The following P2RX1 variants were observed in gnomAD, a reference collection of about 807,000 sequenced individuals.
P2RX1 encodes P2X purinoceptor 1.
P2RX1 carries 42 observed loss-of-function variants against 50.3 expected under a neutral mutation model. The observed-to-expected ratio is 0.83, with a 90% confidence interval of 0.65 to 1.08. The LOEUF (loss-of-function observed/expected upper bound fraction) is 1.08, where lower values mean the gene tolerates loss of function less well. Ranked by LOEUF, P2RX1 falls within the 50% of genes least tolerant of loss-of-function variation. P2RX1 has a pLI of 0.00. For missense variants in P2RX1, 449 were observed against 529.0 expected, an observed-to-expected ratio of 0.85 and a Z score of 1.48; for synonymous variants, 199 against 202.6, an observed-to-expected ratio of 0.98 and a Z score of 0.15.
intron 1 of P2RX1, among the ~76,000 whole-genome samples, chr17:3,911,866 C>T (rs2056371318): frequency 2.0e-5 from 3 of 152,216 alleles, no homozygotes; most frequent in Admixed American, 2.0e-4. Flanking sequence ...CAACCAGGCT[C>T]CTCCAATCAG....
In P2RX1 at chr17:3,904,343, C is replaced by A. The variant is rs2056216995; in HGVS notation, c.414G>T (p.Lys138Asn). 6.2e-7 allele frequency: 1 copy of A among 1,613,930 alleles called. No individual in the cohort carries two copies. The highest frequency in any genetic ancestry group is 1.1e-5 in the South Asian group (1 of 91,082). ...GGCTGACCTTACCTTGGGCCTTCCTCTTGGCCTTCCCAGGGGTACAGCCAC... is the reference window on the plus strand; with the variant it reads ...GGCTGACCTTACCTTGGGCCTTCCTATTGGCCTTCCCAGGGGTACAGCCAC... The part of the protein sequence containing the change: ...EDSGCTPGKA[K>N]RKAQGIRTGK... The change falls in exon 4 of 12, where the codon AAG (lysine) becomes AAT (asparagine). Residue 138 changes from lysine (K) to asparagine (N), a missense_variant. Lys to Asn is a moderately conservative substitution (Grantham distance 94). Coordinates refer to ENST00000225538, the MANE Select transcript of P2RX1 (RefSeq NM_002558.4).
At position 3,903,200 on chromosome 17, in the gene P2RX1, A is replaced by T; in HGVS notation, c.747+2T>A. ...CCACGTGCCTGGCACCATGCTCCAT[A>T]CCTTCTCAGCCAGGGTGCTGAAGTT... On this transcript the variant is annotated splice_donor_variant, in intron 7 of 11. Transcript: ENST00000225538. LOFTEE classifies it high-confidence loss of function. The surrounding 1 kb of genome is among the most constrained non-coding windows in gnomAD (Gnocchi z 4.6). 1 of 1,614,020 alleles carries T rather than the reference A, an allele frequency of 6.2e-7. No homozygotes were observed. The highest frequency in any genetic ancestry group is 1.3e-5 in the African/African-American group (1 of 75,024).
rs1223951422 is a variant in P2RX1 at position 3,899,904 on chromosome 17, C to T, written c.748-143G>A. The T allele has an allele frequency of 2.2e-5, 22 of 997,050 alleles. No homozygotes were observed. The East Asian group carries it at 5.9e-4, about 27-fold the overall frequency. The allele number at this position is 997,050 out of a possible 1,614,324, so 61.8% of individuals were successfully genotyped here. ...TCACCTGAGGCCAGGAGTTCAAGAC[C>T]AGTCTGGTCAACAGGGTGAAAACCC... On this transcript the variant is annotated intron_variant, in intron 7 of 11. Coordinates refer to ENST00000225538, the MANE Select transcript of P2RX1 (RefSeq NM_002558.4).
rs1277280924 is a variant in P2RX1, at chr17:3,916,108, C to T, written c.118G>A (p.Val40Ile). Residue 40 changes from valine to isoleucine, a missense_variant, in exon 1 of 12, where the codon GTC becomes ATC. Coordinates refer to ENST00000225538, the MANE Select transcript of P2RX1 (RefSeq NM_002558.4). The stretch of plus-strand genomic sequence containing the variant: ...ACTCACCCGATGACGTAGACCAGGA[C>T]CACCAGCTGGATCAGTCGGAAGATA... Reference protein sequence around the residue: ...GVIFRLIQLVVLVYVIGWVFL... With the variant: ...GVIFRLIQLVILVYVIGWVFL... 6.2e-7 allele frequency: 1 copy of T among 1,613,600 alleles called. No individual in the cohort carries two copies.
At chr17:3,907,160 G>A (rs558769674) in intron 1 of P2RX1, among the ~76,000 whole-genome samples, 2 of 152,298 alleles carry the variant, frequency 1.3e-5, no homozygotes, top group South Asian at 4.1e-4. Context: ...ACCAATAAAT[G>A]TCCTTCCTTT....
At position 3,897,788 on chromosome 17, in the gene P2RX1, C is replaced by T. The variant is rs767116585; in HGVS notation, c.*26G>A. The T allele has an allele frequency of 1.2e-6, 2 of 1,607,708 alleles. No individual in the cohort carries two copies. The highest frequency in any genetic ancestry group is 2.2e-5 in the East Asian group (1 of 44,796). The stretch of plus-strand genomic sequence containing the variant: ...CTCCAGGCTGAAGCCTCACGCTGCA[C>T]CCAGTCAGGAGTTGGGGCCCGAGCA... On this transcript the variant is annotated 3_prime_UTR_variant, in exon 12 of 12. Coordinates refer to ENST00000225538, the MANE Select transcript of P2RX1 (RefSeq NM_002558.4).
Position 3,903,496 on chromosome 17 carries a change from C to T in P2RX1, c.605+55G>A, listed in dbSNP as rs2056192511. ...GGAGGGAGACAGAGACAGCTGAGAG[C>T]TGCCGGAGCGGCCCCGGCCAGCTGC... On this transcript the variant is annotated intron_variant, in intron 6 of 11. Transcript: ENST00000225538. The surrounding 1 kb of genome is among the most constrained non-coding windows in gnomAD (Gnocchi z 4.6). 1.6e-5 allele frequency: 25 copies of T among 1,597,182 alleles called. No individual in the cohort carries two copies. The South Asian group carries it at 2.6e-4, about 17-fold the overall frequency.
At chr17:3,912,193 C>T (rs2056377127) in intron 1 of P2RX1, among the ~76,000 whole-genome samples, 2 of 152,208 alleles carry the variant, frequency 1.3e-5, no homozygotes, top group South Asian at 4.1e-4. Flanking sequence ...ATCCCCTCTC[C>T]CCTCTAAACC....
chr17:3,906,697 C>T (rs1484465109), intron 1 of P2RX1, among the ~76,000 whole-genome samples: 1 of 152,198 alleles, frequency 6.6e-6, no homozygotes, highest in East Asian at 1.9e-4. Flanking sequence ...CTGGCCTTGC[C>T]TTCCCAGCAT....
intron 1 of P2RX1, chr17:3,915,801 A>G (rs1417418588): frequency 1.8e-6 from 1 of 560,972 alleles, no homozygotes; most frequent in Non-Finnish European, 3.4e-6. Flanking sequence ...GGCCCTGAAC[A>G]CCACTAACCA....
Position 3,914,338 on chromosome 17 carries a change from G to A in P2RX1, c.137+1751C>T, listed in dbSNP as rs1422983341. Among the ~76,000 whole-genome samples, 1 of 152,026 alleles carries A rather than the reference G, an allele frequency of 6.6e-6. No individual in the cohort carries two copies. Among genetic ancestry groups the A allele is most frequent in the Non-Finnish European group, 1.5e-5 (1 of 68,006 alleles). On this transcript the variant is annotated intron_variant, in intron 1 of 11. Coordinates refer to ENST00000225538, the MANE Select transcript of P2RX1 (RefSeq NM_002558.4). This position sits in a 1 kb window ranked among gnomAD's most constrained non-coding sequence, Gnocchi z 4.1. ...CTGATTAGACAGTCTTGGGAGGGAA[G>A]ACAGGCAGGAGGACGGTAGTGAGGT...
At chr17:3,912,565 A>G (rs1597530144) in intron 1 of P2RX1, among the ~76,000 whole-genome samples, 4 of 152,304 alleles carry the variant, frequency 2.6e-5, no homozygotes, top group Admixed American at 2.0e-4. Context: ...TCCTGACCTC[A>G]AGTGATCCAC....
intron 1 of P2RX1, among the ~76,000 whole-genome samples, chr17:3,912,433 C>A (rs985608792): frequency 6.6e-6 from 1 of 152,032 alleles, no homozygotes; most frequent in African/African-American, 2.4e-5. Flanking sequence ...CAAGTTCAAT[C>A]GATTCTCCTG....
At chr17:3,901,277 C>A (rs924483847) in intron 7 of P2RX1, among the ~76,000 whole-genome samples, 1 of 152,216 alleles carries the variant, frequency 6.6e-6, no homozygotes, top group Non-Finnish European at 1.5e-5. Flanking sequence ...CCGTGTTAGC[C>A]AGGATGGTCT....
rs1004985766 is a variant in P2RX1, at chr17:3,904,575, C to T, written c.358-176G>A. 4.0e-5 allele frequency: 27 copies of T among 681,306 alleles called. No individual in the cohort carries two copies. The African/African-American group carries it at 4.3e-4, about 11-fold the overall frequency. 42.2% of individuals were successfully genotyped at this position (681,306 alleles called of 1,614,324 possible). On this transcript the variant is annotated intron_variant, in intron 3 of 11. Transcript: ENST00000225538. ...TTCCCCCCACACTGCTCTGCCGAGGCGCCCCCCGGGCTCATGCCCAGCTGC... is the reference window on the plus strand; with the variant it reads ...TTCCCCCCACACTGCTCTGCCGAGGTGCCCCCCGGGCTCATGCCCAGCTGC...
At chr17:3,900,427 C>T (rs56859384) in intron 7 of P2RX1, among the ~76,000 whole-genome samples, 2,371 of 152,212 alleles carry the variant, frequency 0.016, 75 homozygotes, top group African/African-American at 0.055. Flanking sequence ...GCACTCCAGC[C>T]TGGGCAACAG....
chr17:3,903,826 G>A lies in P2RX1; in HGVS notation c.524+102C>T. The A allele has an allele frequency of 2.6e-6, 3 of 1,166,660 alleles. No individual in the cohort carries two copies. The highest frequency in any genetic ancestry group is 2.4e-5 in the East Asian group (1 of 41,652). The allele number at this position is 1,166,660 out of a possible 1,614,324, so 72.3% of individuals were successfully genotyped here. A position where few individuals can be genotyped will look rare whatever the true frequency, so the allele number is the denominator to read the frequency against. ...AGCCTAGGTTGCGCGGATGGGGTGA[G>A]GGTGGGGTCAGAAAAAGGGGTAAAG... On this transcript the variant is annotated intron_variant, in intron 5 of 11. Transcript: ENST00000225538. The surrounding 1 kb of genome is among the most constrained non-coding windows in gnomAD (Gnocchi z 4.6).
chr17:3,913,301 A>G lies in P2RX1; in HGVS notation c.137+2788T>C, dbSNP rs556220735. On this transcript the variant is annotated intron_variant, in intron 1 of 11. Transcript: ENST00000225538. Reference sequence around the variant, plus strand: ...CCACCACACCCAGCTAATTTTTTCTATTTTTAGTAGAGACGGGGTTTCACC... The same window carrying G: ...CCACCACACCCAGCTAATTTTTTCTGTTTTTAGTAGAGACGGGGTTTCACC... Among the ~76,000 whole-genome samples, 11 of 151,804 alleles carry G rather than the reference A, an allele frequency of 7.2e-5. No homozygotes were observed. In the East Asian group the frequency reaches 2.1e-3, roughly 29 times the overall value.
intron 9 of P2RX1, 74 bp downstream of exon 9, chr17:3,898,860 T>C (rs113856591): frequency 0.016 from 19,200 of 1,195,528 alleles, 227 homozygotes; most frequent in Non-Finnish European, 0.019. Context: ...TGTCTATAAC[T>C]GTAGATGCCC....
Sources: allele counts gnomAD v4.1 joint callset (sites outside exome capture counted in the v4.1 genomes callset), GRCh38; gene constraint gnomAD v4.1.1; non-coding constraint Gnocchi (gnomAD v3.1); transcripts MANE v1.5; gene names NCBI Gene and HGNC (gene_info 2026-07-23, HGNC 2026-07-21).